The following CSMD3 variants were observed in gnomAD, a reference collection of about 807,000 sequenced individuals.
CSMD3 encodes CUB and Sushi multiple domains 3, also known as CUB and sushi domain-containing protein 3.
In CSMD3, 177 loss-of-function variants were observed where a neutral mutation model predicts 435.2. The ratio of observed to expected loss-of-function variants is 0.41; its 90% CI spans 0.36 to 0.46. The LOEUF (loss-of-function observed/expected upper bound fraction) is 0.46, where lower values mean the gene tolerates loss of function less well. CSMD3 is among the 20% of genes least tolerant of loss of function. The pLI is 0.34. For synonymous variants in CSMD3, 1,656 were observed against 1,520.5 expected (o/e 1.09, Z -2.07); for missense variants, 4,265 against 4,504.6 (o/e 0.95, Z 1.52).
chr8:112,565,607 T>C (rs1166714260), intron 24 of CSMD3, among the ~76,000 whole-genome samples: 2 of 152,120 alleles, frequency 1.3e-5, no homozygotes, highest in Non-Finnish European at 2.9e-5. Flanking sequence ...CTTGGGATAA[T>C]GAACATTTCT....
At chr8:113,141,658 A>C (rs1375240145) in intron 4 of CSMD3, among the ~76,000 whole-genome samples, 1 of 151,016 alleles carries the variant, frequency 6.6e-6, no homozygotes, top group Admixed American at 6.6e-5. Context: ...AAAAACTCAG[A>C]AAAAAAGAAT....
At chr8:112,935,705 GAA>G (rs35035110) in intron 9 of CSMD3, among the ~76,000 whole-genome samples, 1 of 148,838 alleles carries the variant, frequency 6.7e-6, no homozygotes, top group African/African-American at 2.5e-5. Context: ...GCTCAATTAT[GAA>G]AAAAAAAACA....
chr8:112,880,140 G>T (rs1189994780), intron 10 of CSMD3, among the ~76,000 whole-genome samples: 1 of 151,992 alleles, frequency 6.6e-6, no homozygotes, highest in Admixed American at 6.6e-5. Context: ...TAAATTAAAT[G>T]CAATAAAAAG....
chr8:113,200,720 T>C (rs1319630450), intron 3 of CSMD3, among the ~76,000 whole-genome samples: 1 of 151,300 alleles, frequency 6.6e-6, no homozygotes, highest in Non-Finnish European at 1.5e-5. Flanking sequence ...TTTCTACACT[T>C]GCTCCCTTCT....
chr8:112,405,213 CCATATATATAT>C (rs772899730), intron 35 of CSMD3, among the ~76,000 whole-genome samples: 7,364 of 17,826 alleles, frequency 0.41, 1,751 homozygotes, highest in East Asian at 0.64. Context: ...AAAAAAACCC[CCATATATATAT>C]ATATATATAT....
intron 3 of CSMD3, among the ~76,000 whole-genome samples, chr8:113,239,414 T>C (rs1459667924): frequency 6.6e-6 from 1 of 152,186 alleles, no homozygotes; most frequent in African/African-American, 2.4e-5. Flanking sequence ...CAGATGAACG[T>C]ATGCCACTGT....
chr8:112,283,624 ATCTT>A (rs1251114466), intron 58 of CSMD3, among the ~76,000 whole-genome samples: 1 of 151,572 alleles, frequency 6.6e-6, no homozygotes, highest in East Asian at 1.9e-4. Flanking sequence ...CAATTAAGGT[ATCTT>A]TCTATCATAA....
intron 2 of CSMD3, among the ~76,000 whole-genome samples, chr8:113,279,293 T>G (rs750266696): frequency 6.8e-6 from 1 of 146,674 alleles, no homozygotes; most frequent in Non-Finnish European, 1.5e-5. Flanking sequence ...AAGAGCCAGG[T>G]CTAAGACTAC....
intron 3 of CSMD3, among the ~76,000 whole-genome samples, chr8:113,268,469 C>G (rs2093491102): frequency 1.3e-5 from 2 of 151,628 alleles, no homozygotes; most frequent in Admixed American, 6.6e-5. Context: ...AAGTGTATGG[C>G]AGACATAATA....
In CSMD3 at chr8:113,019,093, T is replaced by C. The variant is rs749635907; in HGVS notation, c.1004A>G (p.Tyr335Cys). 2 of 1,612,206 alleles carry C rather than the reference T, an allele frequency of 1.2e-6. No homozygotes were observed. Among genetic ancestry groups the C allele is most frequent in the South Asian group, 2.2e-5 (2 of 91,038 alleles). ...TTGATAGGGAGCACTAAATCCACGGTATCGATGATTGCTGTCTGTAACAAA... is the reference window on the plus strand; with the variant it reads ...TTGATAGGGAGCACTAAATCCACGGCATCGATGATTGCTGTCTGTAACAAA... ...LHFVTDSNHR[Y>C]RGFSAPYQGS... The change falls in exon 6 of 71, where the codon TAC (tyrosine) becomes TGC (cysteine). Residue 335 changes from tyrosine to cysteine, a missense_variant. Around this residue, in one of 3 missense-constraint regions of CSMD3, gnomAD observed 731 missense variants for 755.4 expected, o/e 0.97. Transcript: ENST00000297405.
At chr8:113,031,701 G>A (rs188732722) in intron 5 of CSMD3, among the ~76,000 whole-genome samples, 39 of 151,764 alleles carry the variant, frequency 2.6e-4, no homozygotes, top group African/African-American at 8.7e-4. Flanking sequence ...TAATTGTTAT[G>A]TTAATTTTCT....
chr8:112,912,711 A>T (rs2082459141), intron 10 of CSMD3, among the ~76,000 whole-genome samples: 1 of 152,106 alleles, frequency 6.6e-6, no homozygotes, highest in East Asian at 1.9e-4. Flanking sequence ...AAAACAGACA[A>T]ATGGCATTGC....
In CSMD3 at chr8:112,697,573, C is replaced by T. The variant is rs143860234; in HGVS notation, c.1973-7523G>A. Among the ~76,000 whole-genome samples the T allele has an allele frequency of 3.8e-3, 579 of 151,204 alleles. 13 individuals carry two copies. The East Asian group carries it at 0.07, about 18-fold the overall frequency. ...TGGACACAGGAAGGGGAACATCACA[C>T]ACCGGGGCCTGTTGTGGGGTGGGGG... On this transcript the variant is annotated intron_variant, in intron 13 of 70. Coordinates refer to ENST00000297405, the MANE Select transcript of CSMD3 (RefSeq NM_198123.2).
In CSMD3 at chr8:112,833,727, G is replaced by T. The variant is rs193016100; in HGVS notation, c.1756-3938C>A. On this transcript the variant is annotated intron_variant, in intron 11 of 70. Transcript: ENST00000297405. Reference sequence around the variant, plus strand: ...GTGTGTGTGTCTGTAGGTTTGCATGGTATTCATACATAGTTTTATACATTT... The same window carrying T: ...GTGTGTGTGTCTGTAGGTTTGCATGTTATTCATACATAGTTTTATACATTT... Among the ~76,000 whole-genome samples, 102 of 151,348 alleles carry T rather than the reference G, an allele frequency of 6.7e-4. 1 individual carries two copies. The highest frequency in any genetic ancestry group is 2.3e-3 in the African/African-American group (97 of 41,346).
intron 27 of CSMD3, among the ~76,000 whole-genome samples, chr8:112,546,733 T>C (rs1827215652): frequency 6.6e-6 from 1 of 152,098 alleles, no homozygotes. Flanking sequence ...GGACAGCACA[T>C]AGGACAGCGT....
At chr8:112,589,346 T>C (rs1011394081) in intron 22 of CSMD3, among the ~76,000 whole-genome samples, 3 of 152,160 alleles carry the variant, frequency 2.0e-5, no homozygotes, top group Admixed American at 6.6e-5. Flanking sequence ...TCTCCGCATA[T>C]GAACACCACC....
chr8:112,924,154 GTTTAAGACAAGTGAATACTATGC>G (rs1564109677), intron 9 of CSMD3, among the ~76,000 whole-genome samples: 2 of 152,154 alleles, frequency 1.3e-5, no homozygotes, highest in Non-Finnish European at 2.9e-5. Flanking sequence ...TGTTACAGGG[GTTTAAGACAAGTGAATACTATGC>G]TTTAAAATGA....
chr8:113,174,944 A>G (rs1198505230), intron 3 of CSMD3, among the ~76,000 whole-genome samples: 1 of 151,834 alleles, frequency 6.6e-6, no homozygotes, highest in African/African-American at 2.4e-5. Flanking sequence ...AAACTAATTA[A>G]GACTATATGG....
At chr8:112,291,395 T>A (rs905200392) in intron 56 of CSMD3, 115 bp downstream of exon 56, 5 of 779,588 alleles carry the variant, frequency 6.4e-6, no homozygotes, top group Non-Finnish European at 1.1e-5. Context: ...AGTAAAACAA[T>A]AAAATCAATA....
Sources: allele counts gnomAD v4.1 joint callset (sites outside exome capture counted in the v4.1 genomes callset), GRCh38; gene constraint gnomAD v4.1.1; regional missense constraint gnomAD v4.1.1; transcripts MANE v1.5; gene names NCBI Gene and HGNC (gene_info 2026-07-23, HGNC 2026-07-21).